FMN1: variants seen among roughly 807,000 people sequenced by gnomAD.
FMN1 encodes formin 1, also known as formin-1.
A neutral mutation model predicts 132.4 loss-of-function variants in FMN1; 110 were observed. The ratio of observed to expected loss-of-function variants is 0.83; its 90% CI spans 0.71 to 0.97. The LOEUF (loss-of-function observed/expected upper bound fraction) is 0.97. Among genes scored for constraint, FMN1 ranks in the 50% least tolerant of loss-of-function variants. The pLI is 0.00. For missense variants in FMN1, 1,792 were observed against 1,705.3 expected (o/e 1.05, Z -0.90); for synonymous variants, 722 against 651.7 (o/e 1.11, Z -1.64).
intron 7 of FMN1, among the ~76,000 whole-genome samples, chr15:32,973,583 C>G (rs73372970): frequency 1.3e-4 from 19 of 151,798 alleles, no homozygotes; most frequent in African/African-American, 4.4e-4. Flanking sequence ...CTCACCCCCC[C>G]CAAAAAAACA....
chr15:32,845,926 G>T lies in FMN1; in HGVS notation c.3928+11089C>A, dbSNP rs913705341. On this transcript the variant is annotated intron_variant, in intron 17 of 20. Transcript: ENST00000616417. Reference sequence around the variant, plus strand: ...AATTTCATCTTCATAATGACACTGTGTACTAGATATTACTATTCCCATTTT... The same window carrying T: ...AATTTCATCTTCATAATGACACTGTTTACTAGATATTACTATTCCCATTTT... Among the ~76,000 whole-genome samples the T allele has an allele frequency of 2.0e-5, 3 of 151,340 alleles. No individual in the cohort carries two copies. The East Asian group carries it at 5.8e-4, about 29-fold the overall frequency.
chr15:32,845,504 T>G lies in FMN1; in HGVS notation c.3928+11511A>C, dbSNP rs576509730. Reference sequence around the variant, plus strand: ...AAATATGCTTATTTCTATTTACCCCTAGGGTCCTGGGACTCAAAAGAAACC... The same window carrying G: ...AAATATGCTTATTTCTATTTACCCCGAGGGTCCTGGGACTCAAAAGAAACC... On this transcript the variant is annotated intron_variant, in intron 17 of 20. Transcript: ENST00000616417. 1.1e-3 allele frequency among the ~76,000 whole-genome samples: 163 copies of G among 152,298 alleles called. 2 individuals are homozygous for G. The highest frequency in any genetic ancestry group is 3.8e-3 in the African/African-American group (158 of 41,576).
At chr15:32,852,986 C>T (rs1234560303) in intron 17 of FMN1, among the ~76,000 whole-genome samples, 1 of 152,174 alleles carries the variant, frequency 6.6e-6, no homozygotes, top group Non-Finnish European at 1.5e-5. Context: ...CCTTCTGAGA[C>T]TTGCAGTGTT....
In FMN1 at chr15:33,185,568, A is replaced by ATTTTTTTTT. The variant is rs57232200; in HGVS notation, c.-196-5315_-196-5307dup. The stretch of plus-strand genomic sequence containing the variant: ...GTAATTTTTTTTTAATAAAGTAAGA[A>ATTTTTTTTT]TTTTTTTTTTTTTTTTTTTTTTACA... On this transcript the variant is annotated intron_variant, in intron 2 of 20. Transcript: ENST00000616417. 3.3e-3 allele frequency among the ~76,000 whole-genome samples: 370 copies of ATTTTTTTTT among 113,372 alleles called. 18 individuals are homozygous for ATTTTTTTTT. The highest frequency in any genetic ancestry group is 0.015 in the African/African-American group (350 of 23,842). 74.4% of individuals were successfully genotyped at this position (113,372 alleles called of 152,430 possible). A position where few individuals can be genotyped will look rare whatever the true frequency, so the allele number is the denominator to read the frequency against.
chr15:33,147,035 C>T (rs1001093368), intron 4 of FMN1, among the ~76,000 whole-genome samples: 1 of 151,844 alleles, frequency 6.6e-6, no homozygotes, highest in South Asian at 2.1e-4. Flanking sequence ...TAGCCAGATG[C>T]ACACCTGTAA....
intron 17 of FMN1, among the ~76,000 whole-genome samples, chr15:32,847,968 T>C (rs953251931): frequency 6.6e-6 from 1 of 152,200 alleles, no homozygotes; most frequent in Non-Finnish European, 1.5e-5. Context: ...TTTGGTTCTA[T>C]GTTTGTGATT....
At position 33,100,010 on chromosome 15, in the gene FMN1, G is replaced by C. The variant is rs976301171; in HGVS notation, c.1868-11036C>G. ...TCCTGTCATTGCAACTTTGGGCTTGGTGGGTTTGGAGGTCTTCGTGTCCAA... is the reference window on the plus strand; with the variant it reads ...TCCTGTCATTGCAACTTTGGGCTTGCTGGGTTTGGAGGTCTTCGTGTCCAA... On this transcript the variant is annotated intron_variant, in intron 4 of 20. Coordinates refer to ENST00000616417, the MANE Select transcript of FMN1 (RefSeq NM_001277313.2). Among the ~76,000 whole-genome samples the C allele has an allele frequency of 3.9e-5, 6 of 152,218 alleles. No individual in the cohort carries two copies. The South Asian group carries it at 1.0e-3, about 26-fold the overall frequency.
chr15:32,776,054 T>C (rs1427377302), intron 20 of FMN1, among the ~76,000 whole-genome samples: 2 of 152,248 alleles, frequency 1.3e-5, no homozygotes, highest in African/African-American at 4.8e-5. Context: ...TTACATGTCT[T>C]TTCTCAGTTT....
intron 4 of FMN1, among the ~76,000 whole-genome samples, chr15:33,122,827 TTC>T (rs1398631476): frequency 1.3e-5 from 2 of 152,192 alleles, no homozygotes; most frequent in African/African-American, 2.4e-5. Flanking sequence ...ACTGGAATAT[TTC>T]TTATATATAG....
chr15:33,144,415 T>C (rs984244181), intron 4 of FMN1, among the ~76,000 whole-genome samples: 1 of 151,898 alleles, frequency 6.6e-6, no homozygotes, highest in African/African-American at 2.4e-5. Context: ...GGTGGGCGGA[T>C]CATGAGGTCA....
At chr15:32,895,762 C>A (rs368637284) in intron 15 of FMN1, among the ~76,000 whole-genome samples, 1 of 151,542 alleles carries the variant, frequency 6.6e-6, no homozygotes, top group Non-Finnish European at 1.5e-5. Flanking sequence ...TGTTAATTCT[C>A]GAGTTCATTG....
At chr15:33,150,519 C>T (rs1407084250) in intron 4 of FMN1, 1 of 985,276 alleles carries the variant, frequency 1.0e-6, no homozygotes, top group African/African-American at 1.7e-5. Context: ...AATTACAAAC[C>T]CAACAGAAGG....
At chr15:32,882,282 C>A (rs1322756253) in intron 16 of FMN1, among the ~76,000 whole-genome samples, 1 of 152,200 alleles carries the variant, frequency 6.6e-6, no homozygotes. Flanking sequence ...CACAGATAAA[C>A]CTGTTTCAAA....
At chr15:33,008,896 G>A (rs2034558286) in intron 6 of FMN1, among the ~76,000 whole-genome samples, 1 of 152,174 alleles carries the variant, frequency 6.6e-6, no homozygotes, top group African/African-American at 2.4e-5. Context: ...TTTTACAAAT[G>A]TGTTTGGGGT....
chr15:32,943,601 C>T (rs556539487), intron 9 of FMN1, among the ~76,000 whole-genome samples: 19 of 152,154 alleles, frequency 1.2e-4, no homozygotes, highest in Admixed American at 8.5e-4. Flanking sequence ...TTGGAAGACA[C>T]GTAGAATCCT....
At chr15:33,079,958 A>G (rs1235659237) in intron 5 of FMN1, among the ~76,000 whole-genome samples, 2 of 152,216 alleles carry the variant, frequency 1.3e-5, no homozygotes, top group Non-Finnish European at 2.9e-5. Flanking sequence ...TTGATCACTT[A>G]TAAGCAACAG....
intron 14 of FMN1, 130 bp from the exon 15 acceptor site, chr15:32,899,023 G>A (rs2060228710): frequency 1.6e-6 from 1 of 639,008 alleles, no homozygotes; most frequent in South Asian, 2.0e-5. Flanking sequence ...ATGCTGGCAA[G>A]GTTTTCCTTC....
At chr15:33,066,649 G>A (rs2037741322) in intron 5 of FMN1, 2 of 1,613,700 alleles carry the variant, frequency 1.2e-6, no homozygotes, top group African/African-American at 1.3e-5. Context: ...CCTTTCTGGG[G>A]GGCCGGATGA....
chr15:33,043,718 G>C (rs1254399577), intron 6 of FMN1, among the ~76,000 whole-genome samples: 2 of 152,222 alleles, frequency 1.3e-5, no homozygotes, highest in Non-Finnish European at 2.9e-5. Context: ...GCTGCAGTTG[G>C]GGAGGCATGG....
Sources: allele counts gnomAD v4.1 joint callset (sites outside exome capture counted in the v4.1 genomes callset), GRCh38; gene constraint gnomAD v4.1.1; transcripts MANE v1.5; gene names NCBI Gene and HGNC (gene_info 2026-07-23, HGNC 2026-07-21).